Variants in COL4A5 observed in about 807,000 individuals in gnomAD.
The protein encoded by COL4A5 is collagen type IV alpha 5 chain, also known as collagen alpha-5(IV) chain.
Under a neutral mutation model 130.2 loss-of-function variants are expected in COL4A5, and 26 were observed. The observed-to-expected ratio is 0.20, with a 90% CI of 0.15 to 0.28. The LOEUF (loss-of-function observed/expected upper bound fraction) is 0.28. Ranked by LOEUF, COL4A5 falls within the 10% of genes least tolerant of loss-of-function variation. The pLI is 1.00. For missense variants in COL4A5, 1,131 were observed against 1,344.3 expected (o/e 0.84, Z 2.48); for synonymous variants, 496 against 439.6 (o/e 1.13, Z -1.60).
intron 35 of COL4A5, 77 bp from the exon 36 acceptor site, chrX:108,626,133 C>A: frequency 9.8e-7 from 1 of 1,021,060 alleles, no homozygotes; most frequent in Non-Finnish European, 1.4e-6. Flanking sequence ...AATCTTTTTG[C>A]TTTGTCATAT....
chrX:108,657,050 T>G (rs1166106420), intron 37 of COL4A5, among the ~76,000 whole-genome samples: 2 of 112,071 alleles, frequency 1.8e-5, no homozygotes, highest in Non-Finnish European at 3.8e-5. Flanking sequence ...AGTGATTTTT[T>G]TATCCAATTC....
At chrX:108,522,965 C>A (rs1342895879) in intron 1 of COL4A5, among the ~76,000 whole-genome samples, 1 of 107,460 alleles carries the variant, frequency 9.3e-6, no homozygotes, top group African/African-American at 3.4e-5. Context: ...GCAACCTCCG[C>A]CTCCCGGGTT....
At chrX:108,469,399 T>G (rs760259175) in intron 1 of COL4A5, among the ~76,000 whole-genome samples, 80 of 110,054 alleles carry the variant, frequency 7.3e-4, no homozygotes, top group Non-Finnish European at 1.3e-3. Flanking sequence ...CCTGCCTCGG[T>G]CTTCCAAAGT....
intron 2 of COL4A5, among the ~76,000 whole-genome samples, chrX:108,557,640 A>AACAC (rs60795449): frequency 2.4e-4 from 26 of 109,317 alleles, no homozygotes; most frequent in African/African-American, 6.7e-4. Flanking sequence ...GTACTTACAA[A>AACAC]ACACACACAC....
chrX:108,473,048 C>T (rs2064790290), intron 1 of COL4A5, among the ~76,000 whole-genome samples: 1 of 111,810 alleles, frequency 8.9e-6, no homozygotes, highest in African/African-American at 3.3e-5. Flanking sequence ...ATCTGTTGAC[C>T]ATTTGTATGT....
chrX:108,523,942 C>G (rs1424026986), intron 1 of COL4A5, among the ~76,000 whole-genome samples: 1 of 111,271 alleles, frequency 9.0e-6, no homozygotes, highest in African/African-American at 3.3e-5. Flanking sequence ...TGTGACCTTG[C>G]TAAATTCATT....
At chrX:108,611,435 T>G (rs2066833245) in intron 29 of COL4A5, among the ~76,000 whole-genome samples, 1 of 110,937 alleles carries the variant, frequency 9.0e-6, no homozygotes, top group South Asian at 3.8e-4. Flanking sequence ...GGTATTATTG[T>G]GACAAATATT....
chrX:108,626,108 G>C (rs1986916159), intron 35 of COL4A5, 102 bp from the exon 36 acceptor site: 1 of 787,128 alleles, frequency 1.3e-6, no homozygotes, highest in Middle Eastern at 4.4e-4. Context: ...CTCAGAGTTT[G>C]CGGAGCTTTT....
At chrX:108,510,436 C>CT (rs1197612406) in intron 1 of COL4A5, among the ~76,000 whole-genome samples, 3 of 110,197 alleles carry the variant, frequency 2.7e-5, no homozygotes, top group Non-Finnish European at 5.7e-5. Flanking sequence ...TTCTGGTTAA[C>CT]TTTTTTTTTC....
chrX:108,585,765 A>G (rs1401088435), intron 18 of COL4A5, among the ~76,000 whole-genome samples: 1 of 111,642 alleles, frequency 9.0e-6, no homozygotes, highest in Non-Finnish European at 1.9e-5. Context: ...TTACAAGAAT[A>G]CAGAGTAAAA....
At chrX:108,646,996 G>A (rs1245221535) in intron 36 of COL4A5, among the ~76,000 whole-genome samples, 1 of 110,889 alleles carries the variant, frequency 9.0e-6, no homozygotes, top group East Asian at 2.8e-4. Flanking sequence ...TTGTAGTATA[G>A]TTTGAAGTCA....
intron 3 of COL4A5, among the ~76,000 whole-genome samples, chrX:108,562,795 C>CA (rs1346841025): frequency 9.0e-6 from 1 of 111,074 alleles, no homozygotes; most frequent in Non-Finnish European, 1.9e-5. Context: ...CGCAATTTTC[C>CA]AAAGGTTTTT....
intron 1 of COL4A5, among the ~76,000 whole-genome samples, chrX:108,519,147 T>G (rs1344082621): frequency 1.8e-5 from 2 of 111,158 alleles, no homozygotes; most frequent in African/African-American, 6.5e-5. Flanking sequence ...TGATAGGATA[T>G]CAATAAGGGG....
intron 49 of COL4A5, chrX:108,689,289 T>A (rs1436478046): frequency 2.8e-6 from 2 of 726,904 alleles, no homozygotes; most frequent in African/African-American, 4.7e-5. Context: ...TATAAATTTC[T>A]TTTTTGTTCA....
chrX:108,521,962 C>T (rs886361626), intron 1 of COL4A5, among the ~76,000 whole-genome samples: 27 of 110,967 alleles, frequency 2.4e-4, no homozygotes, highest in Non-Finnish European at 4.0e-4. Context: ...TGTCACGTTC[C>T]ATGGCAGCCC....
chrX:108,440,110 C>T lies in COL4A5; in HGVS notation c.-16C>T, dbSNP rs372416097. Reference sequence around the variant, plus strand: ...TTTCGTGCGGGTGCTGAAGGAGCTGCGGGAGCCGGAGAAGAATGAAACTGC... The same window carrying T: ...TTTCGTGCGGGTGCTGAAGGAGCTGTGGGAGCCGGAGAAGAATGAAACTGC... On this transcript the variant is annotated 5_prime_UTR_variant, in exon 1 of 53. Coordinates refer to ENST00000328300, the MANE Select transcript of COL4A5 (RefSeq NM_033380.3). 252 of 1,191,816 alleles carry T rather than the reference C, an allele frequency of 2.1e-4. No individual in the cohort carries two copies. Among genetic ancestry groups the T allele is most frequent in the Non-Finnish European group, 1.4e-4 (127 of 881,362 alleles).
At position 108,468,368 on chromosome X, in the gene COL4A5, T is replaced by G. The variant is rs182264278; in HGVS notation, c.81+28162T>G. Among the ~76,000 whole-genome samples, 11 of 112,471 alleles carry G rather than the reference T, an allele frequency of 9.8e-5. No individual in the cohort carries two copies. The Admixed American group carries it at 1.0e-3, about 11-fold the overall frequency. ...TCTTTTATGTCTTTTTCTAGCCTAA[T>G]TACTTAGCTAAAACTTCCAGTACTA... On this transcript the variant is annotated intron_variant, in intron 1 of 52. Transcript: ENST00000328300.
intron 32 of COL4A5, 99 bp from the exon 33 acceptor site, chrX:108,622,577 G>A: frequency 3.2e-6 from 3 of 924,748 alleles, no homozygotes; most frequent in Non-Finnish European, 4.7e-6. Flanking sequence ...TGAGTGGCCA[G>A]TGGCCTACTC....
chrX:108,472,958 A>G (rs923726499), intron 1 of COL4A5, among the ~76,000 whole-genome samples: 1 of 112,101 alleles, frequency 8.9e-6, no homozygotes, highest in African/African-American at 3.2e-5. Flanking sequence ...GATAACAGCC[A>G]GTCTAACAGG....
Sources: allele counts gnomAD v4.1 joint callset (sites outside exome capture counted in the v4.1 genomes callset), GRCh38; gene constraint gnomAD v4.1.1; transcripts MANE v1.5; gene names NCBI Gene and HGNC (gene_info 2026-07-23, HGNC 2026-07-21).